TCOF1: variants seen among roughly 807,000 people sequenced by gnomAD.
The protein encoded by TCOF1 is treacle protein.
In TCOF1, 33 loss-of-function variants were observed where a neutral mutation model predicts 149.0. That is an observed-to-expected ratio of 0.22 (90% CI 0.17 to 0.30). The LOEUF is 0.30. Among genes scored for constraint, TCOF1 ranks in the 10% least tolerant of loss-of-function variants. The pLI is 1.00. For synonymous variants in TCOF1, 789 were observed against 738.8 expected (o/e 1.07, Z -1.10); for missense variants, 1,728 against 1,840.7 (o/e 0.94, Z 1.12).
intron 17 of TCOF1, chr5:150,385,002 G>A: frequency 3.0e-6 from 3 of 985,408 alleles, no homozygotes; most frequent in Non-Finnish European, 3.6e-6. Flanking sequence ...GCCCTGTTGT[G>A]CAGAGTAGAC....
At chr5:150,365,411 T>G (rs1181984977) in intron 3 of TCOF1, among the ~76,000 whole-genome samples, 1 of 152,116 alleles carries the variant, frequency 6.6e-6, no homozygotes, top group African/African-American at 2.4e-5. Flanking sequence ...TTTTACATTA[T>G]AAATGCAAAA....
Position 150,392,732 on chromosome 5 carries a change from C to A in TCOF1, c.3545C>A (p.Thr1182Asn). 1 of 1,614,098 alleles carries A rather than the reference C, an allele frequency of 6.2e-7. No homozygotes were observed. The highest frequency in any genetic ancestry group is 8.5e-7 in the Non-Finnish European group (1 of 1,180,002). Residue 1182 changes from threonine to asparagine, a missense_variant, in exon 22 of 27, where the codon ACC (threonine) becomes AAC (asparagine). Physicochemically the swap from Thr to Asn is moderately conservative, Grantham distance 65 (BLOSUM62 0). This residue lies in a region of TCOF1 where 1,696 missense variants were observed against 1,765.4 expected (regional missense o/e 0.96). Transcript: ENST00000643257. ...LVGPTPSRTETLVEETAAESS... is the reference protein window; with the variant it reads ...LVGPTPSRTENLVEETAAESS... ...GGTCCCACCCCCTCCAGGACAGAGA[C>A]CCTGGTGGAGGAGACCGCAGCAGAG...
chr5:150,392,091 T>A lies in TCOF1; in HGVS notation c.3432T>A (p.Asp1144Glu). The A allele has an allele frequency of 6.2e-7, 1 of 1,614,192 alleles. No homozygotes were observed. The highest frequency in any genetic ancestry group is 1.1e-5 in the South Asian group (1 of 91,074). ...QQATKAPESS[D>E]DSEDSSDSSS... ...CCACCAAAGCCCCTGAGAGCTCAGA[T>A]GACAGTGAGGACAGCAGCGACAGTT... Residue 1144 changes from aspartate (D) to glutamate (E), a missense_variant, in exon 21 of 27, where the codon GAT becomes GAA. By Grantham distance (45) the Asp-to-Glu change is conservative. Transcript: ENST00000643257.
chr5:150,358,723 G>A (rs2150360335), intron 1 of TCOF1, among the ~76,000 whole-genome samples: 1 of 152,306 alleles, frequency 6.6e-6, no homozygotes. Context: ...TGTAATCCTG[G>A]CTACTCATGT....
rs778393983 is a variant in TCOF1 at position 150,375,537 on chromosome 5, G to A, written c.1687G>A (p.Ala563Thr). ...CAGCAGTGATGGAGAGGTGCCCACA[G>A]CTGTGGCCCCGGCTCAGGTGAGGCC... ...SDSSDGEVPT[A>T]VAPAQEKSLG... The change falls in exon 11 of 27, where the codon GCT becomes ACT. Residue 563 changes from alanine (A) to threonine (T), a missense_variant. Transcript: ENST00000643257. 5 of 1,614,174 alleles carry A rather than the reference G, an allele frequency of 3.1e-6. No homozygotes were observed. Among genetic ancestry groups the A allele is most frequent in the Non-Finnish European group, 4.2e-6 (5 of 1,179,986 alleles).
In TCOF1 at chr5:150,398,401, G is replaced by T. The variant is rs146405751; in HGVS notation, c.4393G>T (p.Ala1465Ser). 27 of 1,613,956 alleles carry T rather than the reference G, an allele frequency of 1.7e-5. No homozygotes were observed. The highest frequency in any genetic ancestry group is 2.2e-5 in the East Asian group (1 of 44,896). The change falls in exon 25 of 27, where the codon GCC becomes TCC. Residue 1465 changes from alanine to serine, a missense_variant. This residue lies in a region of TCOF1 where 1,696 missense variants were observed against 1,765.4 expected (regional missense o/e 0.96). Coordinates refer to ENST00000643257, the MANE Select transcript of TCOF1 (RefSeq NM_001371623.1). ...KKEKKKKAKKASTKDSESPSQ... is the reference protein window; with the variant it reads ...KKEKKKKAKKSSTKDSESPSQ... ...AGAAAAGAAGAAGAAAGCAAAAAAG[G>T]CCTCAACCAAAGATTCTGAGTCACC...
intron 6 of TCOF1, among the ~76,000 whole-genome samples, chr5:150,371,225 G>T (rs1002641721): frequency 6.6e-6 from 1 of 152,080 alleles, no homozygotes; most frequent in South Asian, 2.1e-4. Context: ...CCCTGTGAAG[G>T]TTGAAAGCTC....
rs1768501447 is a variant in TCOF1, at chr5:150,396,293, G to A, written c.3796G>A (p.Ala1266Thr). 1.2e-6 allele frequency: 2 copies of A among 1,614,038 alleles called. No individual in the cohort carries two copies. The highest frequency in any genetic ancestry group is 4.5e-5 in the East Asian group (2 of 44,882). Residue 1266 changes from alanine to threonine, a missense_variant, in exon 24 of 27, where the codon GCT becomes ACT. Ala to Thr is a moderately conservative substitution (Grantham distance 58). This residue lies in a region of TCOF1 where 1,696 missense variants were observed against 1,765.4 expected (regional missense o/e 0.96). Coordinates refer to ENST00000643257, the MANE Select transcript of TCOF1 (RefSeq NM_001371623.1). ...TTCTCTCTCCATAGGTGGAAAAGAG[G>A]CTGCTTCAGGCACCACACCTCAGAA... ...MLSPKTGGKE[A>T]ASGTTPQKSR... is the part of the protein sequence containing the mutation.
chr5:150,399,124 C>A lies in TCOF1; in HGVS notation c.*22+54C>A, dbSNP rs369254547. 3.4e-5 allele frequency: 54 copies of A among 1,610,292 alleles called. No individual in the cohort carries two copies. In the South Asian group the frequency reaches 3.4e-4, roughly 10 times the overall value. On this transcript the variant is annotated intron_variant, in intron 26 of 26. Coordinates refer to ENST00000643257, the MANE Select transcript of TCOF1 (RefSeq NM_001371623.1). The stretch of plus-strand genomic sequence containing the variant: ...CAGGGTGGGAGGACAGCTCTGGTGT[C>A]CCCTGTGGTCCCAGAGAGCCAGGCA...
chr5:150,361,470 A>G (rs766390753), intron 2 of TCOF1, among the ~76,000 whole-genome samples: 28 of 152,240 alleles, frequency 1.8e-4, no homozygotes, highest in Admixed American at 4.6e-4. Flanking sequence ...CAGCAAACGT[A>G]TATTGAGCAC....
At position 150,393,530 on chromosome 5, in the gene TCOF1, A is replaced by G. The variant is rs753554619; in HGVS notation, c.3762A>G (p.Ala1254=). 1.2e-6 allele frequency: 2 copies of G among 1,614,194 alleles called. No individual in the cohort carries two copies. Among genetic ancestry groups the G allele is most frequent in the South Asian group, 1.1e-5 (1 of 91,084 alleles). The change falls in exon 23 of 27, where the codon GCA becomes GCG. Residue 1254 remains alanine, a synonymous_variant. Coordinates refer to ENST00000643257, the MANE Select transcript of TCOF1 (RefSeq NM_001371623.1). The stretch of plus-strand genomic sequence containing the variant: ...AGGAGGCAAAGCCCCAACAGGCAGC[A>G]GGCATGTTGTCCCCTAAAACAGGTA... ...GKQEAKPQQA[A]GMLSPKTGGK...
chr5:150,360,761 G>C (rs1759876754), intron 1 of TCOF1, among the ~76,000 whole-genome samples: 1 of 144,830 alleles, frequency 6.9e-6, no homozygotes, highest in Non-Finnish European at 1.5e-5. Context: ...TTTAAAGAAA[G>C]GGTCTTGCTC....
In TCOF1 at chr5:150,389,914, C is replaced by T; in HGVS notation, c.3074C>T (p.Pro1025Leu). The T allele has an allele frequency of 6.2e-7, 1 of 1,614,202 alleles. No individual in the cohort carries two copies. The highest frequency in any genetic ancestry group is 1.1e-5 in the South Asian group (1 of 91,078). The change falls in exon 19 of 27, where the codon CCC (proline) becomes CTC (leucine). Residue 1025 changes from proline (P) to leucine (L), a missense_variant. Physicochemically the swap from Pro to Leu is moderately conservative, Grantham distance 98. This residue lies in a region of TCOF1 where 1,696 missense variants were observed against 1,765.4 expected (regional missense o/e 0.96). Transcript: ENST00000643257. ...PGIRTNVVTM[P>L]TAHPRIAPKA... The stretch of plus-strand genomic sequence containing the variant: ...ATCAGAACCAATGTGGTGACCATGC[C>T]CACTGCCCACCCAAGAATAGCCCCC...
rs200401482 is a variant in TCOF1, at chr5:150,369,552, G to C, written c.589G>C (p.Asp197His). The change falls in exon 6 of 27, where the codon GAC becomes CAC. Residue 197 changes from aspartate (D) to histidine (H), a missense_variant. Around this residue, in one of 2 missense-constraint regions of TCOF1, gnomAD observed 1,696 missense variants for 1,765.4 expected, o/e 0.96. Coordinates refer to ENST00000643257, the MANE Select transcript of TCOF1 (RefSeq NM_001371623.1). ...KPGMVSAGQA[D>H]SSSEDTSSSS... ...AGGGATGGTGTCAGCGGGCCAGGCCGACAGCTCCAGCGAGGACACCTCCAG... is the reference window on the plus strand; with the variant it reads ...AGGGATGGTGTCAGCGGGCCAGGCCCACAGCTCCAGCGAGGACACCTCCAG... 1 of 1,614,108 alleles carries C rather than the reference G, an allele frequency of 6.2e-7. No homozygotes were observed. The highest frequency in any genetic ancestry group is 2.2e-5 in the East Asian group (1 of 44,888).
intron 26 of TCOF1, among the ~76,000 whole-genome samples, chr5:150,399,329 G>C (rs540674749): frequency 6.6e-6 from 1 of 152,224 alleles, no homozygotes; most frequent in Admixed American, 6.5e-5. Flanking sequence ...CATGCTTTAG[G>C]GGGTGTGCCC....
intron 19 of TCOF1, 114 bp downstream of exon 19, chr5:150,390,137 G>C: frequency 2.7e-6 from 4 of 1,501,974 alleles, no homozygotes; most frequent in Non-Finnish European, 3.6e-6. Flanking sequence ...CCACACTCCA[G>C]AGGTCGTGGC....
chr5:150,388,165 C>A, intron 18 of TCOF1, 77 bp downstream of exon 18: 1 of 1,586,224 alleles, frequency 6.3e-7, no homozygotes. Flanking sequence ...GGACAGGACA[C>A]TGGCTGAGTC....
At chr5:150,374,043 C>G (rs1562334683) in intron 7 of TCOF1, 131 bp from the exon 8 acceptor site, 1 of 1,013,988 alleles carries the variant, frequency 9.9e-7, no homozygotes. Flanking sequence ...AAGTATCAGT[C>G]AAGGTGGGGA....
chr5:150,380,504 G>T (rs1764915681), intron 17 of TCOF1: 1 of 152,786 alleles, frequency 6.5e-6, no homozygotes, highest in Admixed American at 6.5e-5. Context: ...GCCTCACATA[G>T]GCAGGCGCAT....
Sources: allele counts gnomAD v4.1 joint callset (sites outside exome capture counted in the v4.1 genomes callset), GRCh38; gene constraint gnomAD v4.1.1; regional missense constraint gnomAD v4.1.1; transcripts MANE v1.5; gene names NCBI Gene and HGNC (gene_info 2026-07-23, HGNC 2026-07-21).